Variants in CALD1 observed in about 807,000 individuals in gnomAD.
CALD1 encodes the protein caldesmon.
CALD1 carries 33 observed loss-of-function variants against 99.9 expected under a neutral mutation model. The observed-to-expected ratio is 0.33, with a 90% confidence interval of 0.25 to 0.44. The LOEUF (loss-of-function observed/expected upper bound fraction) is 0.44, where lower values mean the gene tolerates loss of function less well. Ranked by LOEUF, CALD1 falls within the 20% of genes least tolerant of loss-of-function variation. The pLI, the probability that CALD1 is intolerant of heterozygous loss-of-function variation, is 1.00. For missense variants in CALD1, 861 were observed against 962.1 expected, an observed-to-expected ratio of 0.89 and a Z score of 1.39; for synonymous variants, 310 against 325.0, an observed-to-expected ratio of 0.95 and a Z score of 0.50.
intron 1 of CALD1, among the ~76,000 whole-genome samples, chr7:134,787,904 T>A (rs1283918815): frequency 6.6e-6 from 1 of 152,176 alleles, no homozygotes; most frequent in Non-Finnish European, 1.5e-5. Flanking sequence ...GGCAGGTGCT[T>A]CCGTGTGTAC....
chr7:134,933,300 G>C lies in CALD1; in HGVS notation c.531G>C (p.Trp177Cys), dbSNP rs762310469. The C allele has an allele frequency of 1.9e-6, 3 of 1,604,170 alleles. No individual in the cohort carries two copies. Among genetic ancestry groups the C allele is most frequent in the South Asian group, 1.1e-5 (1 of 89,228 alleles). ...CCAAGTCCTACCAGAAGAATGATTG[G>C]AGGGATGCTGAAGAAAACAAGAAAG... ...TVTKSYQKND[W>C]RDAEENKKED... Residue 177 changes from tryptophan (W) to cysteine (C), a missense_variant, in exon 5 of 15, where the codon TGG (tryptophan) becomes TGC (cysteine). Physicochemically the swap from Trp to Cys is radical, Grantham distance 215 (BLOSUM62 -2). Around this residue, in one of 5 missense-constraint regions of CALD1, gnomAD observed 234 missense variants for 233.1 expected, o/e 1.00. Transcript: ENST00000361675.
At chr7:134,828,322 A>G (rs2132053893) in intron 1 of CALD1, among the ~76,000 whole-genome samples, 1 of 152,348 alleles carries the variant, frequency 6.6e-6, no homozygotes, top group Non-Finnish European at 1.5e-5. Flanking sequence ...TGGAAAGAAA[A>G]ATAAAAATTC....
At chr7:134,725,814 CAGG>C in the CALD1 span, among the ~76,000 whole-genome samples, 1 of 152,102 alleles carries the variant, frequency 6.6e-6, no homozygotes, top group East Asian at 1.9e-4. Context: ...AAGAGTGAGG[CAGG>C]AGGAGATTAG....
intron 6 of CALD1, 34 bp downstream of exon 6, chr7:134,935,799 A>C: frequency 6.5e-7 from 1 of 1,544,996 alleles, no homozygotes; most frequent in Non-Finnish European, 8.7e-7. Flanking sequence ...ATCGTAAAGC[A>C]ACAGAAAAAG....
At chr7:134,719,203 G>A in the CALD1 span, among the ~76,000 whole-genome samples, 530 of 152,010 alleles carry the variant, frequency 3.5e-3, 4 homozygotes, top group African/African-American at 0.012. Context: ...CACTGGGAAC[G>A]GAAAAATGAT....
intron 1 of CALD1, among the ~76,000 whole-genome samples, chr7:134,833,206 G>C (rs890634238): frequency 6.6e-6 from 1 of 152,148 alleles, no homozygotes; most frequent in Non-Finnish European, 1.5e-5. Flanking sequence ...TGAACCCAGT[G>C]AAACTTCTGG....
At chr7:134,776,707 T>C (rs1318244059), upstream of CALD1, among the ~76,000 whole-genome samples, 2 of 152,208 alleles carry the variant, frequency 1.3e-5, no homozygotes, top group African/African-American at 4.8e-5. Context: ...CTTTTAAAAC[T>C]TTCAAATCTT....
intron 1 of CALD1, among the ~76,000 whole-genome samples, chr7:134,828,588 C>T (rs1799098156): frequency 6.6e-6 from 1 of 152,126 alleles, no homozygotes; most frequent in South Asian, 2.1e-4. Flanking sequence ...TCTGGATTCA[C>T]TACATTCTGA....
chr7:134,903,664 C>T (rs1004216007), intron 3 of CALD1, among the ~76,000 whole-genome samples: 7 of 151,976 alleles, frequency 4.6e-5, no homozygotes, highest in African/African-American at 1.7e-4. Context: ...TAGCGTCTGC[C>T]CTCTGTGCAG....
upstream of CALD1, chr7:134,779,302 A>G (rs1006691997): frequency 5.2e-6 from 1 of 190,606 alleles, no homozygotes; most frequent in Non-Finnish European, 1.1e-5. Flanking sequence ...TGTTCCTGAC[A>G]ATGGATTCAC....
chr7:134,949,873 T>C (rs1215015050), intron 8 of CALD1, among the ~76,000 whole-genome samples: 1 of 145,154 alleles, frequency 6.9e-6, no homozygotes, highest in Non-Finnish European at 1.5e-5. Flanking sequence ...GGGCCACACA[T>C]AAAATACACT....
In CALD1 at chr7:134,933,418, A is replaced by G; in HGVS notation, c.649A>G (p.Thr217Ala). Residue 217 changes from threonine to alanine, a missense_variant, in exon 5 of 15, where the codon ACT (threonine) becomes GCT (alanine). Transcript: ENST00000361675. ...AGAGGTGATGGTGGAAGAGAAAACA[A>G]CTGAAAGCCAGGAGGAAACAGTGGT... ...QVEVMVEEKT[T>A]ESQEETVVMS... is the part of the protein sequence containing the mutation. 6.2e-7 allele frequency: 1 copy of G among 1,613,478 alleles called. No homozygotes were observed. The highest frequency in any genetic ancestry group is 8.5e-7 in the Non-Finnish European group (1 of 1,179,696).
At chr7:134,736,922 T>A in the CALD1 span, among the ~76,000 whole-genome samples, 6 of 152,208 alleles carry the variant, frequency 3.9e-5, no homozygotes, top group Admixed American at 3.9e-4. Flanking sequence ...TTTCAACCCT[T>A]TATTTTTCTG....
chr7:134,746,018 C>T (rs1796632091), intron 1 of CALD1, among the ~76,000 whole-genome samples: 2 of 152,178 alleles, frequency 1.3e-5, no homozygotes, highest in East Asian at 1.9e-4. Flanking sequence ...CTGAAGAGAA[C>T]CTATGGGAAA....
chr7:134,942,639 T>C (rs1042203113), intron 7 of CALD1, among the ~76,000 whole-genome samples: 4 of 152,226 alleles, frequency 2.6e-5, no homozygotes, highest in Non-Finnish European at 4.4e-5. Context: ...CTGAAGTGTC[T>C]GTAGTTTAAT....
At chr7:134,822,404 A>G (rs1230116923) in intron 1 of CALD1, among the ~76,000 whole-genome samples, 1 of 152,212 alleles carries the variant, frequency 6.6e-6, no homozygotes, top group African/African-American at 2.4e-5. Flanking sequence ...TTCTAGAATC[A>G]TATCTTGTCT....
intron 3 of CALD1, among the ~76,000 whole-genome samples, chr7:134,928,255 C>G (rs1396155299): frequency 1.3e-5 from 2 of 151,496 alleles, no homozygotes; most frequent in African/African-American, 4.8e-5. Context: ...CTTGGCAAAA[C>G]CCCATCTCTA....
chr7:134,850,880 T>C (rs2132217806), intron 2 of CALD1, among the ~76,000 whole-genome samples: 1 of 152,316 alleles, frequency 6.6e-6, no homozygotes, highest in East Asian at 1.9e-4. Flanking sequence ...GTTCTCATGA[T>C]AGTGAATAAG....
intron 10 of CALD1, 36 bp downstream of exon 10, chr7:134,958,148 C>T: frequency 6.2e-7 from 1 of 1,607,482 alleles, no homozygotes; most frequent in Non-Finnish European, 8.5e-7. Context: ...AGCTAATCAG[C>T]TAGCATATGT....
Sources: allele counts gnomAD v4.1 joint callset (sites outside exome capture counted in the v4.1 genomes callset), GRCh38; gene constraint gnomAD v4.1.1; regional missense constraint gnomAD v4.1.1; transcripts MANE v1.5; gene names NCBI Gene and HGNC (gene_info 2026-07-23, HGNC 2026-07-21).